PTPN1: variants seen among roughly 807,000 people sequenced by gnomAD.
PTPN1 encodes the protein protein tyrosine phosphatase non-receptor type 1.
A neutral mutation model predicts 59.9 loss-of-function variants in PTPN1; 12 were observed. The ratio of observed to expected loss-of-function variants is 0.20; its 90% CI spans 0.13 to 0.32. PTPN1 has a LOEUF of 0.32. Among genes scored for constraint, PTPN1 ranks in the 10% least tolerant of loss-of-function variants. PTPN1 has a pLI of 1.00. For synonymous variants in PTPN1, 178 were observed against 203.6 expected (o/e 0.87, Z 1.07); for missense variants, 356 against 549.2 (o/e 0.65, Z 3.52).
chr20:50,549,407 A>G (rs1328635600), intron 1 of PTPN1, among the ~76,000 whole-genome samples: 4 of 151,762 alleles, frequency 2.6e-5, no homozygotes, highest in Non-Finnish European at 5.9e-5. Context: ...AAAGCAGTTG[A>G]TTGTTTTTTT....
chr20:50,563,899 A>G (rs1601408696), intron 2 of PTPN1, among the ~76,000 whole-genome samples: 2 of 152,324 alleles, frequency 1.3e-5, no homozygotes, highest in Middle Eastern at 3.4e-3. Context: ...TGGCTTTTTA[A>G]TTTTAGTGAC....
intron 2 of PTPN1, 102 bp from the exon 3 acceptor site, chr20:50,564,867 C>T: frequency 6.5e-7 from 1 of 1,545,796 alleles, no homozygotes; most frequent in Non-Finnish European, 8.7e-7. Flanking sequence ...GTGAATGCCA[C>T]TAATGCCACC....
At chr20:50,526,752 C>T (rs2082577496) in intron 1 of PTPN1, among the ~76,000 whole-genome samples, 1 of 152,092 alleles carries the variant, frequency 6.6e-6, no homozygotes, top group African/African-American at 2.4e-5. Flanking sequence ...CCTCACTTCC[C>T]TCCTTATGCA....
rs5841806 is a variant in PTPN1, at chr20:50,539,644, C to CT, written c.64-21694dup. 8.7e-3 allele frequency among the ~76,000 whole-genome samples: 784 copies of CT among 90,440 alleles called. 6 individuals are homozygous for CT. Among genetic ancestry groups the CT allele is most frequent in the South Asian group, 0.032 (84 of 2,662 alleles). The allele number at this position is 90,440 out of a possible 152,430, so 59.3% of individuals were successfully genotyped here. On this transcript the variant is annotated intron_variant, in intron 1 of 9. Coordinates refer to ENST00000371621, the MANE Select transcript of PTPN1 (RefSeq NM_002827.4). ...CAAAGGATTTTTTCCCTCTTTCTCT[C>CT]TTTTTTTTTTTTTTTTTTTTTTTTT...
chr20:50,533,953 T>C (rs1005925115), intron 1 of PTPN1, among the ~76,000 whole-genome samples: 3 of 152,202 alleles, frequency 2.0e-5, no homozygotes, highest in African/African-American at 7.2e-5. Flanking sequence ...GTTTTTGAGA[T>C]GGAGTCTTTC....
At chr20:50,551,778 T>C (rs2082703132) in intron 1 of PTPN1, among the ~76,000 whole-genome samples, 1 of 152,250 alleles carries the variant, frequency 6.6e-6, no homozygotes, top group South Asian at 2.1e-4. Flanking sequence ...AGGCACACAC[T>C]GAATGACTCC....
In PTPN1 at chr20:50,510,605, C is replaced by G. The variant is rs544592283; in HGVS notation, c.63+15C>G. 1.9e-6 allele frequency: 3 copies of G among 1,550,202 alleles called. No individual in the cohort carries two copies. Among genetic ancestry groups the G allele is most frequent in the Non-Finnish European group, 2.6e-6 (3 of 1,146,302 alleles). Reference sequence around the variant, plus strand: ...CCATTTACCAGGTGCGGGAGCGCCCCGGAGCGTGGCGGGCCCTTCGCTTAG... The same window carrying G: ...CCATTTACCAGGTGCGGGAGCGCCCGGGAGCGTGGCGGGCCCTTCGCTTAG... On this transcript the variant is annotated intron_variant, in intron 1 of 9. Transcript: ENST00000371621.
chr20:50,563,504 T>C (rs2082763201), intron 2 of PTPN1, among the ~76,000 whole-genome samples: 1 of 152,302 alleles, frequency 6.6e-6, no homozygotes, highest in East Asian at 1.9e-4. Flanking sequence ...TTGAACCCAC[T>C]CACATAACCA....
At chr20:50,530,250 G>T (rs1392350747) in intron 1 of PTPN1, among the ~76,000 whole-genome samples, 1 of 149,830 alleles carries the variant, frequency 6.7e-6, no homozygotes, top group African/African-American at 2.5e-5. Flanking sequence ...TAGAATAAAA[G>T]CACTTAATTT....
At chr20:50,580,632 C>T (rs956188682) in intron 8 of PTPN1, among the ~76,000 whole-genome samples, 1 of 152,124 alleles carries the variant, frequency 6.6e-6, no homozygotes, top group Non-Finnish European at 1.5e-5. Context: ...CGGCTGTGCC[C>T]TTGGTACCTG....
At chr20:50,537,628 C>T (rs1350055938) in intron 1 of PTPN1, among the ~76,000 whole-genome samples, 1 of 152,186 alleles carries the variant, frequency 6.6e-6, no homozygotes, top group Admixed American at 6.5e-5. Flanking sequence ...CTAATCATAT[C>T]TCCGTCATAC....
chr20:50,534,527 C>G (rs2082615364), intron 1 of PTPN1, among the ~76,000 whole-genome samples: 1 of 151,984 alleles, frequency 6.6e-6, no homozygotes, highest in Admixed American at 6.6e-5. Context: ...TGCTTGTAAG[C>G]TTGATTTTTG....
At chr20:50,563,178 T>TTATCTTCCTCCCGTACTCC (rs1285754855) in intron 2 of PTPN1, 1 of 151,674 alleles carries the variant, frequency 6.6e-6, no homozygotes, top group Non-Finnish European at 1.5e-5. Flanking sequence ...CTCACTCCTC[T>TTATCTTCCTCCCGTACTCC]TATCTTCCTC....
intron 1 of PTPN1, among the ~76,000 whole-genome samples, chr20:50,542,260 GTCTTC>G (rs923983876): frequency 3.1e-4 from 47 of 152,280 alleles, no homozygotes; most frequent in Admixed American, 2.7e-3. Flanking sequence ...TAGCTATCTT[GTCTTC>G]TTAAACAAGA....
chr20:50,562,084 G>GGAAA (rs2082755410), intron 2 of PTPN1, among the ~76,000 whole-genome samples: 1 of 152,242 alleles, frequency 6.6e-6, no homozygotes, highest in African/African-American at 2.4e-5. Flanking sequence ...TTTGCATAAA[G>GGAAA]TAAGGAAAAC....
At chr20:50,580,224 T>A (rs565893570) in intron 8 of PTPN1, among the ~76,000 whole-genome samples, 1 of 151,822 alleles carries the variant, frequency 6.6e-6, no homozygotes, top group Non-Finnish European at 1.5e-5. Context: ...CTGCCCCCCC[T>A]GACGACAGCG....
chr20:50,550,643 G>A (rs1260512870), intron 1 of PTPN1, among the ~76,000 whole-genome samples: 1 of 152,176 alleles, frequency 6.6e-6, no homozygotes, highest in East Asian at 1.9e-4. Flanking sequence ...TATTGTTAAG[G>A]ACACTTCAAG....
At position 50,565,037 on chromosome 20, in the gene PTPN1, G is replaced by A; in HGVS notation, c.223G>A (p.Glu75Lys). 1 of 1,613,212 alleles carries A rather than the reference G, an allele frequency of 6.2e-7. No homozygotes were observed. The highest frequency in any genetic ancestry group is 8.5e-7 in the Non-Finnish European group (1 of 1,179,782). The change falls in exon 3 of 10, where the codon GAA (glutamate) becomes AAA (lysine). Residue 75 changes from glutamate to lysine, a missense_variant. Coordinates refer to ENST00000371621, the MANE Select transcript of PTPN1 (RefSeq NM_002827.4). The stretch of plus-strand genomic sequence containing the variant: ...TATCAACGCTAGTTTGATAAAAATG[G>A]AAGAAGCCCAAAGGAGTTACATTCT... ...DYINASLIKMEEAQRSYILTQ... is the reference protein window; with the variant it reads ...DYINASLIKMKEAQRSYILTQ...
At chr20:50,526,945 A>G (rs553316085) in intron 1 of PTPN1, among the ~76,000 whole-genome samples, 1 of 152,242 alleles carries the variant, frequency 6.6e-6, no homozygotes, top group South Asian at 2.1e-4. Context: ...TCCAGTCTTT[A>G]ATCCCAAATC....
Sources: gnomAD v4.1 joint callset for allele counts (sites outside exome capture counted in the v4.1 genomes callset) on GRCh38, gnomAD v4.1.1 for gene constraint, MANE v1.5 for transcripts, NCBI Gene and HGNC (gene_info 2026-07-23, HGNC 2026-07-21) for gene names.